The following SYT16 variants were observed in gnomAD, a reference collection of about 807,000 sequenced individuals.
SYT16 encodes the protein synaptotagmin 16, also known as synaptotagmin-16.
SYT16 carries 42 observed loss-of-function variants against 61.4 expected under a neutral mutation model. The ratio of observed to expected loss-of-function variants is 0.68; its 90% confidence interval spans 0.53 to 0.89. The LOEUF (loss-of-function observed/expected upper bound fraction) is 0.89, where lower values mean the gene tolerates loss of function less well. SYT16 is among the 40% of genes least tolerant of loss of function. The probability of loss-of-function intolerance (pLI) is 0.00; values close to 1 mark genes in which losing one functional copy is unlikely to be tolerated. For synonymous variants in SYT16, 314 were observed against 302.3 expected, an observed-to-expected ratio of 1.04 and a Z score of -0.40; for missense variants, 804 against 807.3, an observed-to-expected ratio of 1.00 and a Z score of 0.05.
chr14:62,007,531 T>G (rs975757551), intron 3 of SYT16, among the ~76,000 whole-genome samples: 1 of 152,188 alleles, frequency 6.6e-6, no homozygotes, highest in Admixed American at 6.5e-5. Context: ...GACATACAGT[T>G]TTCAAAGCCT....
intron 5 of SYT16, among the ~76,000 whole-genome samples, chr14:62,078,153 C>CTATATATA (rs1437217028): frequency 8.0e-4 from 81 of 101,734 alleles, no homozygotes; most frequent in Non-Finnish European, 9.1e-4. Context: ...CTCTCTCTCT[C>CTATATATA]TCTATATATA....
chr14:61,838,167 C>G (rs1484547722), intron 1 of SYT16, among the ~76,000 whole-genome samples: 1 of 152,156 alleles, frequency 6.6e-6, no homozygotes, highest in Non-Finnish European at 1.5e-5. Context: ...GCACAGTTCT[C>G]TTTTAGGTCA....
rs540198731 is a variant in SYT16 at position 61,917,457 on chromosome 14, G to A, written c.-324-52675G>A. Reference sequence around the variant, plus strand: ...GATTTTTTGGGGGGAGCATATTGAGGAAGGAAGCTATCTTCTACTAGACTT... The same window carrying A: ...GATTTTTTGGGGGGAGCATATTGAGAAAGGAAGCTATCTTCTACTAGACTT... On this transcript the variant is annotated intron_variant, in intron 1 of 7. Coordinates refer to ENST00000683842, the MANE Select transcript of SYT16 (RefSeq NM_001367656.1). Among the ~76,000 whole-genome samples the A allele has an allele frequency of 2.0e-5, 3 of 152,220 alleles. No homozygotes were observed. The South Asian group carries it at 6.2e-4, about 32-fold the overall frequency.
intron 6 of SYT16, 51 bp from the exon 7 acceptor site, chr14:62,084,145 G>T (rs1463222992): frequency 6.4e-6 from 10 of 1,568,000 alleles, no homozygotes; most frequent in Non-Finnish European, 8.6e-6. Context: ...TTCTCTAAAA[G>T]AGAGTAGTGC....
At chr14:62,097,777 A>T (rs2057315309) in intron 7 of SYT16, among the ~76,000 whole-genome samples, 1 of 152,230 alleles carries the variant, frequency 6.6e-6, no homozygotes. Context: ...ATGGCAGGAT[A>T]AAGCTTGAAA....
chr14:61,877,520 C>T (rs71422928), intron 1 of SYT16, among the ~76,000 whole-genome samples: 2,362 of 152,334 alleles, frequency 0.016, 29 homozygotes, highest in Non-Finnish European at 0.025. Flanking sequence ...TGAGGTATAA[C>T]CTGGGCCCCT....
Position 62,084,190 on chromosome 14 carries a change from C to A in SYT16, c.1435-6C>A, listed in dbSNP as rs1481758848. On this transcript the variant is annotated splice_polypyrimidine_tract_variant and splice_region_variant and intron_variant, in intron 6 of 7. Coordinates refer to ENST00000683842, the MANE Select transcript of SYT16 (RefSeq NM_001367656.1). ...CAATGGATTCTTTGTTGTTCTTCCC[C>A]TCCAGAGTGGAGGGTCTCCGCTCAG... The A allele has an allele frequency of 6.2e-7, 1 of 1,612,206 alleles. No homozygotes were observed. The highest frequency in any genetic ancestry group is 8.5e-7 in the Non-Finnish European group (1 of 1,179,360).
chr14:61,825,217 G>T (rs2045736583), intron 1 of SYT16, among the ~76,000 whole-genome samples: 1 of 152,188 alleles, frequency 6.6e-6, no homozygotes, highest in Non-Finnish European at 1.5e-5. Context: ...TGCTTTACTT[G>T]CTGTGTCACT....
intron 3 of SYT16, among the ~76,000 whole-genome samples, chr14:62,060,092 A>C (rs1230894185): frequency 2.0e-5 from 3 of 151,756 alleles, no homozygotes; most frequent in African/African-American, 4.8e-5. Flanking sequence ...TATTTTGACT[A>C]CTCTAGGTCC....
In SYT16 at chr14:62,069,752, C is replaced by T. The variant is rs145150316; in HGVS notation, c.673C>T (p.Pro225Ser). The change falls in exon 4 of 8, where the codon CCA (proline) becomes TCA (serine). Residue 225 changes from proline to serine, a missense_variant. By Grantham distance (74) the Pro-to-Ser change is moderately conservative. Coordinates refer to ENST00000683842, the MANE Select transcript of SYT16 (RefSeq NM_001367656.1). The part of the protein sequence containing the change: ...KGKQTGLEQK[P>S]KFSRSLLTHG... Reference sequence around the variant, plus strand: ...AAAGCAGACAGGATTGGAGCAGAAACCAAAATTCAGCCGTTCGTTGTTGAC... The same window carrying T: ...AAAGCAGACAGGATTGGAGCAGAAATCAAAATTCAGCCGTTCGTTGTTGAC... 1.8e-4 allele frequency: 286 copies of T among 1,614,002 alleles called. 1 individual carries two copies. In the African/African-American group the frequency reaches 3.3e-3, roughly 19 times the overall value.
At chr14:62,045,499 C>A (rs2211553) in intron 3 of SYT16, among the ~76,000 whole-genome samples, 3 of 151,894 alleles carry the variant, frequency 2.0e-5, no homozygotes, top group African/African-American at 7.3e-5. Context: ...GTGTACACAA[C>A]GTGCAGGTTT....
At chr14:62,004,825 C>T (rs377608848) in intron 3 of SYT16, among the ~76,000 whole-genome samples, 1 of 152,168 alleles carries the variant, frequency 6.6e-6, no homozygotes, top group Non-Finnish European at 1.5e-5. Context: ...ATGGGAGTTC[C>T]ATCTCCTCAT....
At chr14:62,096,041 C>T (rs916405552) in intron 7 of SYT16, among the ~76,000 whole-genome samples, 13 of 151,882 alleles carry the variant, frequency 8.6e-5, no homozygotes, top group African/African-American at 3.1e-4. Context: ...TTCCCATATA[C>T]AAAATTTAGA....
chr14:61,895,812 A>C (rs1328214576), intron 1 of SYT16, among the ~76,000 whole-genome samples: 1 of 152,240 alleles, frequency 6.6e-6, no homozygotes. Flanking sequence ...TTGTAAAAAA[A>C]AATTAATCTT....
intron 1 of SYT16, among the ~76,000 whole-genome samples, chr14:61,956,675 G>A (rs575022309): frequency 6.6e-4 from 101 of 152,048 alleles, no homozygotes; most frequent in Non-Finnish European, 1.1e-3. Flanking sequence ...CTGTTTTTAT[G>A]TAAGTGCCAT....
chr14:62,009,601 G>A (rs561304884), intron 3 of SYT16, among the ~76,000 whole-genome samples: 14 of 152,220 alleles, frequency 9.2e-5, no homozygotes, highest in Admixed American at 3.3e-4. Flanking sequence ...CTATGTTGGC[G>A]GGATCCTCCT....
chr14:61,827,070 G>A (rs1335521606), intron 1 of SYT16, among the ~76,000 whole-genome samples: 2 of 150,138 alleles, frequency 1.3e-5, no homozygotes, highest in Non-Finnish European at 1.5e-5. Context: ...AGTTGTATTC[G>A]GAGGTAGTGG....
At position 62,080,965 on chromosome 14, in the gene SYT16, G is replaced by C. The variant is rs2056686107; in HGVS notation, c.1125G>C (p.Gln375His). The C allele has an allele frequency of 6.2e-7, 1 of 1,612,532 alleles. No homozygotes were observed. The highest frequency in any genetic ancestry group is 2.2e-5 in the East Asian group (1 of 44,850). The change falls in exon 6 of 8, where the codon CAG becomes CAC. Residue 375 changes from glutamine (Q) to histidine (H), a missense_variant. By Grantham distance (24) the Gln-to-His change is conservative. Transcript: ENST00000683842. ...TCACAGTGACCATTGTGAGGGCACA[G>C]GGCCTCCCAGATAAGGACCGAAGTG... ...QKLTVTIVRA[Q>H]GLPDKDRSGV... is the part of the protein sequence containing the mutation.
chr14:61,916,741 C>T lies in SYT16; in HGVS notation c.-324-53391C>T, dbSNP rs142011622. ...ACCAGCCTCTCCTTATCTCCTCTCC[C>T]CTGATCCTTCCCAGCCTCTGGTGAC... On this transcript the variant is annotated intron_variant, in intron 1 of 7. Coordinates refer to ENST00000683842, the MANE Select transcript of SYT16 (RefSeq NM_001367656.1). 5.4e-3 allele frequency among the ~76,000 whole-genome samples: 820 copies of T among 152,230 alleles called. 5 individuals carry two copies. Among genetic ancestry groups the T allele is most frequent in the African/African-American group, 0.014 (597 of 41,558 alleles).
Sources: allele counts gnomAD v4.1 joint callset (sites outside exome capture counted in the v4.1 genomes callset), GRCh38; gene constraint gnomAD v4.1.1; transcripts MANE v1.5; gene names NCBI Gene and HGNC (gene_info 2026-07-23, HGNC 2026-07-21).